KCNJ11: variants seen among roughly 807,000 people sequenced by gnomAD.
KCNJ11 encodes ATP-sensitive inward rectifier potassium channel 11.
A neutral mutation model predicts 17.3 loss-of-function variants in KCNJ11; 12 were observed. That is an observed-to-expected ratio of 0.69 (90% CI 0.44 to 1.12). KCNJ11 has a LOEUF of 1.12. Ranked by LOEUF, KCNJ11 falls within the 50% of genes most tolerant of loss-of-function variation. The pLI is 0.00. For synonymous variants in KCNJ11, 211 were observed against 223.4 expected, an observed-to-expected ratio of 0.94 and a Z score of 0.50; for missense variants, 386 against 554.1, an observed-to-expected ratio of 0.70 and a Z score of 3.05.
Position 17,388,424 on chromosome 11 carries a change from A to G in KCNJ11, c.-333T>C, listed in dbSNP as rs1311728898. 1 of 338,230 alleles carries G rather than the reference A, an allele frequency of 3.0e-6. No homozygotes were observed. Among genetic ancestry groups the G allele is most frequent in the Non-Finnish European group, 5.5e-6 (1 of 180,304 alleles). 21.0% of individuals were successfully genotyped at this position (338,230 alleles called of 1,614,324 possible). A position where few individuals can be genotyped will look rare whatever the true frequency, so the allele number is the denominator to read the frequency against. Reference sequence around the variant, plus strand: ...GTGAAACCCCATCTCTACTAAAAATACAAAAGTTAGCCGGGCATGGTGGTG... The same window carrying G: ...GTGAAACCCCATCTCTACTAAAAATGCAAAAGTTAGCCGGGCATGGTGGTG... On this transcript the variant is annotated 5_prime_UTR_variant, in exon 1 of 1. Transcript: ENST00000339994.
chr11:17,385,546 C>T lies in KCNJ11; in HGVS notation c.*1373G>A, dbSNP rs1164433340. ...ATTACTACACTAATGCCTATGACAC[C>T]TCTATACCTCTCCCTGGGCACTCCA... On this transcript the variant is annotated 3_prime_UTR_variant, in exon 1 of 1. Coordinates refer to ENST00000339994, the MANE Select transcript of KCNJ11 (RefSeq NM_000525.4). 6.6e-6 allele frequency among the ~76,000 whole-genome samples: 1 copy of T among 152,220 alleles called. No individual in the cohort carries two copies. The highest frequency in any genetic ancestry group is 1.5e-5 in the Non-Finnish European group (1 of 68,034).
chr11:17,387,657 G>A lies in KCNJ11; in HGVS notation c.435C>T (p.Ala145=), dbSNP rs1489207595. The A allele has an allele frequency of 1.2e-6, 2 of 1,613,936 alleles. No individual in the cohort carries two copies. Among genetic ancestry groups the A allele is most frequent in the African/African-American group, 1.3e-5 (1 of 74,936 alleles). Residue 145 remains alanine, a synonymous_variant, in exon 1 of 1, where the codon GCC becomes GCT. Coordinates refer to ENST00000339994, the MANE Select transcript of KCNJ11 (RefSeq NM_000525.4). ...GRMVTEECPL[A]ILILIVQNIV... ...TGTTCTGCACGATGAGGATCAGGATGGCCAGTGGGCACTCCTCAGTCACCA... is the reference window on the plus strand; with the variant it reads ...TGTTCTGCACGATGAGGATCAGGATAGCCAGTGGGCACTCCTCAGTCACCA...
At chr11:17,388,983 CCTCT>C (rs1953609564), upstream of KCNJ11, 3 of 401,064 alleles carry the variant, frequency 7.5e-6, no homozygotes, top group Non-Finnish European at 1.5e-5. Context: ...CAGCTCTCGT[CCTCT>C]CTGTCTCCTT....
chr11:17,386,887 A>C lies in KCNJ11; in HGVS notation c.*32T>G. 3 of 1,580,944 alleles carry C rather than the reference A, an allele frequency of 1.9e-6. No individual in the cohort carries two copies. The highest frequency in any genetic ancestry group is 2.6e-6 in the Non-Finnish European group (3 of 1,157,946). On this transcript the variant is annotated 3_prime_UTR_variant, in exon 1 of 1. Coordinates refer to ENST00000339994, the MANE Select transcript of KCNJ11 (RefSeq NM_000525.4). ...TACATACCACATGGTCCGTGTGTACACACGCGTGTGGGGGGCCCGAGAGAC... is the reference window on the plus strand; with the variant it reads ...TACATACCACATGGTCCGTGTGTACCCACGCGTGTGGGGGGCCCGAGAGAC...
upstream of KCNJ11, chr11:17,388,896 G>A: frequency 2.3e-6 from 1 of 443,836 alleles, no homozygotes; most frequent in Non-Finnish European, 4.5e-6. Context: ...CCCCCGCCCC[G>A]TCTCTCCTCC....
Position 17,387,489 on chromosome 11 carries a change from A to G in KCNJ11, c.603T>C (p.Arg201=). Residue 201 remains arginine, a synonymous_variant, in exon 1 of 1, where the codon CGT becomes CGC. Transcript: ENST00000339994. The stretch of plus-strand genomic sequence containing the variant: ...TCATGCTCTTGCGGAGGTCACCCAC[A>G]CGTAGCATGAAGCAGAGGCGGCCGT... The part of the protein sequence containing the change: ...LRHGRLCFML[R]VGDLRKSMII... The G allele has an allele frequency of 6.2e-7, 1 of 1,612,244 alleles. No individual in the cohort carries two copies. Among genetic ancestry groups the G allele is most frequent in the Non-Finnish European group, 8.5e-7 (1 of 1,179,922 alleles).
At position 17,387,969 on chromosome 11, in the gene KCNJ11, G is replaced by A; in HGVS notation, c.123C>T (p.Asn41=). ...RRARFVSKKG[N]CNVAHKNIRE... The stretch of plus-strand genomic sequence containing the variant: ...GGATGTTCTTGTGGGCCACGTTGCA[G>A]TTGCCTTTCTTGGACACAAAGCGGG... Residue 41 remains asparagine, a synonymous_variant, in exon 1 of 1, where the codon AAC becomes AAT. Coordinates refer to ENST00000339994, the MANE Select transcript of KCNJ11 (RefSeq NM_000525.4). 4 of 1,613,496 alleles carry A rather than the reference G, an allele frequency of 2.5e-6. No individual in the cohort carries two copies. The highest frequency in any genetic ancestry group is 3.4e-6 in the Non-Finnish European group (4 of 1,179,424).
Position 17,388,124 on chromosome 11 carries a change from C to T in KCNJ11, c.-33G>A. ...GTGACCCCCAGGGAGGGGCTTCCCC[C>T]ATCGGAGGCACCCCTCGGACGTGGC... On this transcript the variant is annotated 5_prime_UTR_variant, in exon 1 of 1. An upstream start codon of the reference 5' UTR is lost. Coordinates refer to ENST00000339994, the MANE Select transcript of KCNJ11 (RefSeq NM_000525.4). 1 of 1,595,238 alleles carries T rather than the reference C, an allele frequency of 6.3e-7. No individual in the cohort carries two copies. The highest frequency in any genetic ancestry group is 8.6e-7 in the Non-Finnish European group (1 of 1,168,024).
chr11:17,388,694 TC>T, upstream of KCNJ11: 1 of 345,172 alleles, frequency 2.9e-6, no homozygotes, highest in Non-Finnish European at 6.3e-6. Context: ...TCCCCCAGCT[TC>T]CCCCACCAGC....
chr11:17,386,999 G>A lies in KCNJ11; in HGVS notation c.1093C>T (p.Arg365Cys), dbSNP rs758749160. 102 of 1,613,772 alleles carry A rather than the reference G, an allele frequency of 6.3e-5. No homozygotes were observed. The highest frequency in any genetic ancestry group is 8.5e-5 in the Non-Finnish European group (100 of 1,179,840). ...LLEALTLASA[R>C]GPLRKRSVPM... The stretch of plus-strand genomic sequence containing the variant: ...ACGCTGCGCTTGCGCAGGGGCCCGC[G>A]GGCTGAGGCGAGGGTCAGAGCTTCC... Residue 365 changes from arginine to cysteine, a missense_variant, in exon 1 of 1, where the codon CGC (arginine) becomes TGC (cysteine). Coordinates refer to ENST00000339994, the MANE Select transcript of KCNJ11 (RefSeq NM_000525.4).
Position 17,386,853 on chromosome 11 carries a change from T to C in KCNJ11, c.*66A>G. On this transcript the variant is annotated 3_prime_UTR_variant, in exon 1 of 1. Coordinates refer to ENST00000339994, the MANE Select transcript of KCNJ11 (RefSeq NM_000525.4). ...GCTGGCCCAGCCTCACACCAGGCCC[T>C]GGCCGGGCTACATACCACATGGTCC... 1 of 1,450,738 alleles carries C rather than the reference T, an allele frequency of 6.9e-7. No individual in the cohort carries two copies. The highest frequency in any genetic ancestry group is 9.4e-7 in the Non-Finnish European group (1 of 1,065,288). The allele number at this position is 1,450,738 out of a possible 1,614,324, so 89.9% of individuals were successfully genotyped here.
Position 17,386,968 on chromosome 11 carries a change from A to G in KCNJ11, c.1124T>C (p.Met375Thr). 1 of 1,613,498 alleles carries G rather than the reference A, an allele frequency of 6.2e-7. No homozygotes were observed. The highest frequency in any genetic ancestry group is 2.2e-5 in the East Asian group (1 of 44,860). The change falls in exon 1 of 1, where the codon ATG becomes ACG. Residue 375 changes from methionine to threonine, a missense_variant. Met to Thr is a moderately conservative substitution (Grantham distance 81). Coordinates refer to ENST00000339994, the MANE Select transcript of KCNJ11 (RefSeq NM_000525.4). Reference protein sequence around the residue: ...RGPLRKRSVPMAKAKPKFSIS... With the variant: ...RGPLRKRSVPTAKAKPKFSIS... Reference sequence around the variant, plus strand: ...GCTGAACTTGGGCTTGGCCTTGGCCATGGGCACGCTGCGCTTGCGCAGGGG... The same window carrying G: ...GCTGAACTTGGGCTTGGCCTTGGCCGTGGGCACGCTGCGCTTGCGCAGGGG...
Position 17,388,231 on chromosome 11 carries a change from A to T in KCNJ11, c.-140T>A, listed in dbSNP as rs1211609277. 7 of 696,342 alleles carry T rather than the reference A, an allele frequency of 1.0e-5. No homozygotes were observed. In the Admixed American group the frequency reaches 2.0e-4, roughly 20 times the overall value. 43.1% of individuals were successfully genotyped at this position (696,342 alleles called of 1,614,324 possible). Reference sequence around the variant, plus strand: ...TCAGCCTGTGCTGGCCTCACTTCTGAGATAACTCCCCACCAGACTCTTCCT... The same window carrying T: ...TCAGCCTGTGCTGGCCTCACTTCTGTGATAACTCCCCACCAGACTCTTCCT... On this transcript the variant is annotated 5_prime_UTR_variant, in exon 1 of 1. Transcript: ENST00000339994.
At position 17,387,552 on chromosome 11, in the gene KCNJ11, G is replaced by C. The variant is rs778825557; in HGVS notation, c.540C>G (p.Thr180=). The C allele has an allele frequency of 1.2e-6, 2 of 1,613,130 alleles. No homozygotes were observed. The highest frequency in any genetic ancestry group is 1.1e-5 in the South Asian group (1 of 91,058). The part of the protein sequence containing the change: ...KTAQAHRRAE[T]LIFSKHAVIA... The stretch of plus-strand genomic sequence containing the variant: ...TCACCGCATGCTTGCTGAAGATGAG[G>C]GTCTCAGCCCTGCGGTGGGCTTGGG... Residue 180 remains threonine, a synonymous_variant, in exon 1 of 1, where the codon ACC becomes ACG. Coordinates refer to ENST00000339994, the MANE Select transcript of KCNJ11 (RefSeq NM_000525.4).
rs1377294667 is a variant in KCNJ11 at position 17,387,999 on chromosome 11, C to T, written c.93G>A (p.Arg31=). ...PAKPRYRARQ[R]RARFVSKKGN... ...CTTTCTTGGACACAAAGCGGGCCCTCCGCTGGCGGGCACGGTACCTGGGCT... is the reference window on the plus strand; with the variant it reads ...CTTTCTTGGACACAAAGCGGGCCCTTCGCTGGCGGGCACGGTACCTGGGCT... The change falls in exon 1 of 1, where the codon CGG becomes CGA. Residue 31 remains arginine, a synonymous_variant. Transcript: ENST00000339994. 1 of 1,613,934 alleles carries T rather than the reference C, an allele frequency of 6.2e-7. No individual in the cohort carries two copies. Among genetic ancestry groups the T allele is most frequent in the Admixed American group, 1.7e-5 (1 of 60,022 alleles).
chr11:17,386,134 T>A lies in KCNJ11; in HGVS notation c.*785A>T, dbSNP rs1953552333. Reference sequence around the variant, plus strand: ...GGGTCTGAGGCCTAATCATGTGTGGTGGGCACAGTACCCCCTCTCCTCAGC... The same window carrying A: ...GGGTCTGAGGCCTAATCATGTGTGGAGGGCACAGTACCCCCTCTCCTCAGC... On this transcript the variant is annotated 3_prime_UTR_variant, in exon 1 of 1. Transcript: ENST00000339994. 1 of 152,322 alleles carries A rather than the reference T, an allele frequency of 6.6e-6. No individual in the cohort carries two copies. Among genetic ancestry groups the A allele is most frequent in the Non-Finnish European group, 1.5e-5 (1 of 68,146 alleles). The allele number at this position is 152,322 out of a possible 1,614,324, so 9.4% of individuals were successfully genotyped here.
In KCNJ11 at chr11:17,387,159, C is replaced by T; in HGVS notation, c.933G>A (p.Trp311Ter). The change falls in exon 1 of 1, where the codon TGG becomes TGA. Residue 311 changes from tryptophan to a stop codon, truncating the protein, a stop_gained. Transcript: ENST00000339994. LOFTEE classifies it high-confidence loss of function. ...RTSYLADEIL[W>*]GQRFVPIVAE... Reference sequence around the variant, plus strand: ...CTACAATGGGCACAAAGCGCTGGCCCCACAGGATCTCATCGGCCAGGTAGG... The same window carrying T: ...CTACAATGGGCACAAAGCGCTGGCCTCACAGGATCTCATCGGCCAGGTAGG... 1 of 1,614,228 alleles carries T rather than the reference C, an allele frequency of 6.2e-7. No individual in the cohort carries two copies. The highest frequency in any genetic ancestry group is 8.5e-7 in the Non-Finnish European group (1 of 1,180,032).
In KCNJ11 at chr11:17,388,636, G is replaced by C. The variant is rs1953603408; in HGVS notation, c.-545C>G. 5.8e-6 allele frequency: 2 copies of C among 343,652 alleles called. No homozygotes were observed. The highest frequency in any genetic ancestry group is 1.2e-5 in the Non-Finnish European group (2 of 163,980). The allele number at this position is 343,652 out of a possible 1,614,324, so 21.3% of individuals were successfully genotyped here. On this transcript the variant is annotated 5_prime_UTR_variant, in exon 1 of 1. Coordinates refer to ENST00000339994, the MANE Select transcript of KCNJ11 (RefSeq NM_000525.4). ...TCACCCTTGAGCCCACCTGCCTGGC[G>C]CCTAGGGAGCCCCCAACCCTGCCGG...
Position 17,387,143 on chromosome 11 carries a change from G to A in KCNJ11, c.949C>T (p.Pro317Ser), listed in dbSNP as rs1197405390. 3 of 1,614,070 alleles carry A rather than the reference G, an allele frequency of 1.9e-6. No homozygotes were observed. Among genetic ancestry groups the A allele is most frequent in the Middle Eastern group, 1.6e-4 (1 of 6,082 alleles). Residue 317 changes from proline to serine, a missense_variant, in exon 1 of 1, where the codon CCC (proline) becomes TCC (serine). Physicochemically the swap from Pro to Ser is moderately conservative, Grantham distance 74. Coordinates refer to ENST00000339994, the MANE Select transcript of KCNJ11 (RefSeq NM_000525.4). ...CGTCCGTCCTCCTCAGCTACAATGG[G>A]CACAAAGCGCTGGCCCCACAGGATC... ...DEILWGQRFV[P>S]IVAEEDGRYS...
Sources: allele counts gnomAD v4.1 joint callset (sites outside exome capture counted in the v4.1 genomes callset), GRCh38; gene constraint gnomAD v4.1.1; transcripts MANE v1.5; gene names NCBI Gene and HGNC (gene_info 2026-07-23, HGNC 2026-07-21).